The following SENP6 variants were observed in gnomAD, a reference collection of about 807,000 sequenced individuals.
The protein encoded by SENP6 is SUMO specific peptidase 6.
SENP6 carries 41 observed loss-of-function variants against 134.5 expected under a neutral mutation model. The observed-to-expected ratio is 0.30, with a 90% confidence interval of 0.24 to 0.40. The LOEUF is 0.40. Among genes scored for constraint, SENP6 ranks in the 10% least tolerant of loss-of-function variants. SENP6 has a pLI of 1.00. For synonymous variants in SENP6, 395 were observed against 429.8 expected, an observed-to-expected ratio of 0.92 and a Z score of 1.00; for missense variants, 1,248 against 1,312.5, an observed-to-expected ratio of 0.95 and a Z score of 0.76.
At position 75,617,263 on chromosome 6, in the gene SENP6, CTTTTTTTTTT is replaced by C. The variant is rs71002751; in HGVS notation, c.53-4251_53-4242del. 1.0e-4 allele frequency among the ~76,000 whole-genome samples: 6 copies of C among 58,102 alleles called. 1 individual carries two copies. The highest frequency in any genetic ancestry group is 9.7e-4 in the South Asian group (1 of 1,030). The allele number at this position is 58,102 out of a possible 152,430, so 38.1% of individuals were successfully genotyped here. ...GATGGTTTGGAGAATTTCTTTCTTT[CTTTTTTTTTT>C]TTTTTTTTTTTTTTTTTGAGACGGA... On this transcript the variant is annotated intron_variant, in intron 1 of 23. Transcript: ENST00000447266.
intron 1 of SENP6, among the ~76,000 whole-genome samples, chr6:75,607,566 G>T (rs1767121247): frequency 6.6e-6 from 1 of 150,842 alleles, no homozygotes; most frequent in Non-Finnish European, 1.5e-5. Context: ...TTAACCAAGT[G>T]AATTCCTTCT....
At chr6:75,629,275 T>C (rs2149834897) in intron 3 of SENP6, among the ~76,000 whole-genome samples, 1 of 152,254 alleles carries the variant, frequency 6.6e-6, no homozygotes, top group African/African-American at 2.4e-5. Flanking sequence ...TTCTATATGC[T>C]TTTGCCAATA....
chr6:75,663,731 T>C (rs1440377851), intron 9 of SENP6, among the ~76,000 whole-genome samples: 1 of 149,590 alleles, frequency 6.7e-6, no homozygotes, highest in African/African-American at 2.5e-5. Flanking sequence ...GTGCTAGTTA[T>C]AACCAGCATT....
chr6:75,625,223 T>A (rs1284626146), intron 3 of SENP6, among the ~76,000 whole-genome samples: 1 of 148,568 alleles, frequency 6.7e-6, no homozygotes, highest in Non-Finnish European at 1.5e-5. Flanking sequence ...ACAATTCTCA[T>A]GCCTCAGCCA....
chr6:75,663,899 T>C (rs533101449), intron 9 of SENP6, among the ~76,000 whole-genome samples: 54 of 152,084 alleles, frequency 3.6e-4, no homozygotes, highest in Non-Finnish European at 6.3e-4. Context: ...CTTACCACAT[T>C]TGTTCCTAAC....
intron 9 of SENP6, among the ~76,000 whole-genome samples, chr6:75,666,348 T>A (rs1478105975): frequency 6.7e-6 from 1 of 149,640 alleles, no homozygotes; most frequent in African/African-American, 2.4e-5. Context: ...ACAAGTTGTA[T>A]GCAAATTATT....
At chr6:75,604,811 G>A (rs150795807) in intron 1 of SENP6, among the ~76,000 whole-genome samples, 77 of 152,082 alleles carry the variant, frequency 5.1e-4, no homozygotes, top group Middle Eastern at 3.4e-3. Flanking sequence ...GGTGGCTCAC[G>A]CCTGTAATCC....
intron 7 of SENP6, among the ~76,000 whole-genome samples, chr6:75,653,346 G>A (rs1771063994): frequency 6.6e-6 from 1 of 152,046 alleles, no homozygotes; most frequent in East Asian, 1.9e-4. Flanking sequence ...TTTTTCTAAT[G>A]TTGTCAAATA....
intron 3 of SENP6, among the ~76,000 whole-genome samples, chr6:75,626,622 A>G (rs1768718393): frequency 1.3e-5 from 2 of 152,134 alleles, no homozygotes; most frequent in Middle Eastern, 3.4e-3. Flanking sequence ...TATTTTTTTC[A>G]TATCTGTGTA....
intron 11 of SENP6, among the ~76,000 whole-genome samples, chr6:75,672,369 G>T (rs1258886496): frequency 6.6e-6 from 1 of 152,060 alleles, no homozygotes; most frequent in Non-Finnish European, 1.5e-5. Context: ...TTTTCTAATA[G>T]GTTATATTTG....
intron 1 of SENP6, chr6:75,611,105 T>C (rs914919754): frequency 1.3e-5 from 2 of 149,822 alleles, no homozygotes; most frequent in Non-Finnish European, 3.0e-5. Flanking sequence ...CTCCTACTTA[T>C]GAATCAAGAA....
At chr6:75,647,127 G>C (rs1187055483) in intron 6 of SENP6, among the ~76,000 whole-genome samples, 1 of 152,000 alleles carries the variant, frequency 6.6e-6, no homozygotes, top group Non-Finnish European at 1.5e-5. Context: ...GTAGCTCCCT[G>C]GTCTGTTGCA....
chr6:75,611,131 A>T (rs1320831539), intron 1 of SENP6: 1 of 152,202 alleles, frequency 6.6e-6, no homozygotes, highest in Non-Finnish European at 1.5e-5. Context: ...TTCTGGAGAC[A>T]AGATGAAGGT....
Position 75,659,006 on chromosome 6 carries a change from A to T in SENP6, c.551-256A>T, listed in dbSNP as rs1352549964. Among the ~76,000 whole-genome samples the T allele has an allele frequency of 1.7e-4, 23 of 139,344 alleles. 1 individual carries two copies. Among genetic ancestry groups the T allele is most frequent in the African/African-American group, 5.9e-4 (22 of 37,470 alleles). The allele number at this position is 139,344 out of a possible 152,430, so 91.4% of individuals were successfully genotyped here. On this transcript the variant is annotated intron_variant, in intron 7 of 23. Transcript: ENST00000447266. ...AAAAAAAAAAAAAAAAAAAAGGGGA[A>T]TTGTGAGTATGTGAGTGGTTAGGCA...
At chr6:75,681,746 A>C (rs1773481053) in intron 16 of SENP6, among the ~76,000 whole-genome samples, 1 of 152,132 alleles carries the variant, frequency 6.6e-6, no homozygotes, top group African/African-American at 2.4e-5. Flanking sequence ...AATATAAAGA[A>C]GAAACAAATG....
At chr6:75,616,519 C>T (rs868748107) in intron 1 of SENP6, among the ~76,000 whole-genome samples, 160 of 152,076 alleles carry the variant, frequency 1.1e-3, no homozygotes, top group African/African-American at 3.2e-3. Flanking sequence ...GAGGCCGAGG[C>T]GGGTGGATCA....
At chr6:75,693,994 C>T (rs9352239) in intron 16 of SENP6, among the ~76,000 whole-genome samples, 29,739 of 152,088 alleles carry the variant, frequency 0.2, 3,360 homozygotes, top group African/African-American at 0.3. Context: ...CGGTGGCTCA[C>T]GCCTGTAATC....
chr6:75,694,588 TTTCTC>T (rs2149893929), intron 16 of SENP6, among the ~76,000 whole-genome samples: 1 of 152,318 alleles, frequency 6.6e-6, no homozygotes, highest in Non-Finnish European at 1.5e-5. Context: ...CTGTCAGTCT[TTTCTC>T]TATCTCTGGC....
Position 75,715,557 on chromosome 6 carries a change from A to G in SENP6, c.3302A>G (p.Glu1101Gly), listed in dbSNP as rs1378048258. 3 of 1,613,204 alleles carry G rather than the reference A, an allele frequency of 1.9e-6. No individual in the cohort carries two copies. Among genetic ancestry groups the G allele is most frequent in the African/African-American group, 2.7e-5 (2 of 75,018 alleles). Residue 1101 changes from glutamate (E) to glycine (G), a missense_variant, in exon 24 of 24, where the codon GAA becomes GGA. Glu to Gly is a moderately conservative substitution (Grantham distance 98). Around this residue, in one of 3 missense-constraint regions of SENP6, gnomAD observed 386 missense variants for 395.0 expected, o/e 0.98. Coordinates refer to ENST00000447266, the MANE Select transcript of SENP6 (RefSeq NM_015571.4). ...TACTCAACAGAAGCACCTTTAGGCG[A>G]AGGAACAGAACAATATGTCAATAGT... ...DTYSTEAPLG[E>G]GTEQYVNSIS...
Sources: allele counts gnomAD v4.1 joint callset (sites outside exome capture counted in the v4.1 genomes callset), GRCh38; gene constraint gnomAD v4.1.1; regional missense constraint gnomAD v4.1.1; transcripts MANE v1.5; gene names NCBI Gene and HGNC (gene_info 2026-07-23, HGNC 2026-07-21).